ZC3H15: variants seen among roughly 807,000 people sequenced by gnomAD.
The protein encoded by ZC3H15 is zinc finger CCCH-type containing 15.
ZC3H15 carries 15 observed loss-of-function variants against 51.2 expected under a neutral mutation model. The observed-to-expected ratio is 0.29, with a 90% CI of 0.20 to 0.45. The LOEUF (loss-of-function observed/expected upper bound fraction) is 0.45. Among genes scored for constraint, ZC3H15 ranks in the 20% least tolerant of loss-of-function variants. The probability of loss-of-function intolerance (pLI) is 1.00; values close to 1 mark genes in which losing one functional copy is unlikely to be tolerated. For synonymous variants in ZC3H15, 144 were observed against 162.8 expected, an observed-to-expected ratio of 0.88 and a Z score of 0.88; for missense variants, 381 against 494.7, an observed-to-expected ratio of 0.77 and a Z score of 2.18.
At chr2:186,503,923 C>G (rs1171943042) in intron 5 of ZC3H15, 109 bp from the exon 6 acceptor site, 1 of 830,436 alleles carries the variant, frequency 1.2e-6, no homozygotes, top group Admixed American at 3.0e-5. Context: ...ATAGAATGTA[C>G]TTGTGTAATA....
intron 1 of ZC3H15, among the ~76,000 whole-genome samples, chr2:186,492,234 G>C (rs945548692): frequency 6.6e-6 from 1 of 152,052 alleles, no homozygotes; most frequent in South Asian, 2.1e-4. Context: ...TCTCCCTCCC[G>C]TGAGAGCTCA....
intron 1 of ZC3H15, among the ~76,000 whole-genome samples, chr2:186,492,584 G>T (rs991230119): frequency 1.3e-5 from 2 of 152,202 alleles, no homozygotes; most frequent in African/African-American, 4.8e-5. Flanking sequence ...ATTTCCCAAT[G>T]AGAGATAACC....
Position 186,486,341 on chromosome 2 carries a change from T to G in ZC3H15, c.-42T>G. 1 of 1,517,582 alleles carries G rather than the reference T, an allele frequency of 6.6e-7. No individual in the cohort carries two copies. Among genetic ancestry groups the G allele is most frequent in the South Asian group, 1.3e-5 (1 of 79,714 alleles). The allele number at this position is 1,517,582 out of a possible 1,614,324, so 94.0% of individuals were successfully genotyped here. Reference sequence around the variant, plus strand: ...CGCAGGGCCAGAACCCCTGACGGTATTCAGCTGCGCGTAAGTCTGGCCGGT... The same window carrying G: ...CGCAGGGCCAGAACCCCTGACGGTAGTCAGCTGCGCGTAAGTCTGGCCGGT... On this transcript the variant is annotated 5_prime_UTR_variant, in exon 1 of 10. Transcript: ENST00000337859.
Position 186,492,439 on chromosome 2 carries a change from A to G in ZC3H15, c.76-2794A>G, listed in dbSNP as rs568656952. 2.8e-4 allele frequency among the ~76,000 whole-genome samples: 42 copies of G among 152,328 alleles called. 1 individual carries two copies. Among genetic ancestry groups the G allele is most frequent in the African/African-American group, 9.6e-4 (40 of 41,584 alleles). On this transcript the variant is annotated intron_variant, in intron 1 of 9. Coordinates refer to ENST00000337859, the MANE Select transcript of ZC3H15 (RefSeq NM_018471.3). ...TTGTTTGTGCTTCTTACCTTTTTTC[A>G]TACACATAGGCTGTAGAAAATTCAT...
At chr2:186,494,007 C>A (rs1006684161) in intron 1 of ZC3H15, among the ~76,000 whole-genome samples, 3 of 151,182 alleles carry the variant, frequency 2.0e-5, no homozygotes. Context: ...CTGCTCCCCT[C>A]CACACACACG....
At chr2:186,499,020 C>T (rs1472112009) in intron 2 of ZC3H15, among the ~76,000 whole-genome samples, 2 of 152,206 alleles carry the variant, frequency 1.3e-5, no homozygotes, top group African/African-American at 4.8e-5. Context: ...ACCCTGAAAC[C>T]TGTTCCTCCT....
chr2:186,501,447 T>C, intron 4 of ZC3H15, 22 bp downstream of exon 4: 1 of 1,594,900 alleles, frequency 6.3e-7, no homozygotes, highest in Non-Finnish European at 8.5e-7. Flanking sequence ...AAAAACACTC[T>C]CTTAAAAATA....
Position 186,500,285 on chromosome 2 carries a change from T to C in ZC3H15, c.281T>C (p.Ile94Thr), listed in dbSNP as rs1685359187. ...AAACCTGTAGTTGCTGCTCAAAAAA[T>C]AAGTAAAGGTAAACTTAAAATTTCA... Reference protein sequence around the residue: ...LFKPVVAAQKISKGADPKSVV... With the variant: ...LFKPVVAAQKTSKGADPKSVV... Residue 94 changes from isoleucine (I) to threonine (T), a missense_variant, in exon 3 of 10, where the codon ATA becomes ACA. Physicochemically the swap from Ile to Thr is moderately conservative, Grantham distance 89 (BLOSUM62 -1). Coordinates refer to ENST00000337859, the MANE Select transcript of ZC3H15 (RefSeq NM_018471.3). 6.2e-7 allele frequency: 1 copy of C among 1,601,480 alleles called. No individual in the cohort carries two copies. Among genetic ancestry groups the C allele is most frequent in the Non-Finnish European group, 8.5e-7 (1 of 1,176,292 alleles).
intron 8 of ZC3H15, chr2:186,506,084 G>A (rs1685462695): frequency 1.7e-6 from 1 of 578,536 alleles, no homozygotes; most frequent in South Asian, 1.8e-5. Flanking sequence ...ATACAGCTTA[G>A]GACAGTGCCT....
At chr2:186,496,200 T>G (rs546749283) in intron 2 of ZC3H15, among the ~76,000 whole-genome samples, 1 of 152,326 alleles carries the variant, frequency 6.6e-6, no homozygotes, top group South Asian at 2.1e-4. Context: ...ATTATTTTAT[T>G]TTTATAGTCT....
rs746166784 is a variant in ZC3H15, at chr2:186,505,783, A to G, written c.908A>G (p.Asn303Ser). 7 of 1,613,800 alleles carry G rather than the reference A, an allele frequency of 4.3e-6. No individual in the cohort carries two copies. The highest frequency in any genetic ancestry group is 2.2e-5 in the East Asian group (1 of 44,886). Reference sequence around the variant, plus strand: ...TTTGAATTTCGTCCTGAACTGGTCAATGATGATGATGAGGAAGCAGATGAT... The same window carrying G: ...TTTGAATTTCGTCCTGAACTGGTCAGTGATGATGATGAGGAAGCAGATGAT... ...EVFEFRPELV[N>S]DDDEEADDTR... Residue 303 changes from asparagine to serine, a missense_variant, in exon 8 of 10, where the codon AAT becomes AGT. By Grantham distance (46) the Asn-to-Ser change is conservative (BLOSUM62 1). Coordinates refer to ENST00000337859, the MANE Select transcript of ZC3H15 (RefSeq NM_018471.3).
chr2:186,494,023 T>C (rs1685239867), intron 1 of ZC3H15, among the ~76,000 whole-genome samples: 1 of 151,420 alleles, frequency 6.6e-6, no homozygotes, highest in Non-Finnish European at 1.5e-5. Context: ...ACACGCTTGC[T>C]CATACTTGTG....
At chr2:186,487,705 C>T (rs1685123823) in intron 1 of ZC3H15, among the ~76,000 whole-genome samples, 1 of 152,168 alleles carries the variant, frequency 6.6e-6, no homozygotes, top group African/African-American at 2.4e-5. Flanking sequence ...GGTTGCTGAT[C>T]GGATGGCATT....
intron 1 of ZC3H15, among the ~76,000 whole-genome samples, chr2:186,489,309 CTA>C (rs1475290751): frequency 1.3e-5 from 2 of 152,122 alleles, no homozygotes; most frequent in Non-Finnish European, 2.9e-5. Context: ...TTTATAGAGA[CTA>C]TTCTGTTATT....
rs1473214676 is a variant in ZC3H15, at chr2:186,504,224, A to G, written c.717+10A>G. 6.4e-6 allele frequency: 10 copies of G among 1,552,774 alleles called. No homozygotes were observed. The highest frequency in any genetic ancestry group is 8.7e-6 in the Non-Finnish European group (10 of 1,149,582). ...TCTAATTGAGAGAGAGGTAACTGGT[A>G]TCCTTTTCCTACCATAAAAACTGAA... On this transcript the variant is annotated intron_variant, in intron 6 of 9. Coordinates refer to ENST00000337859, the MANE Select transcript of ZC3H15 (RefSeq NM_018471.3).
chr2:186,500,346 A>C, intron 3 of ZC3H15, 53 bp downstream of exon 3: 1 of 1,354,972 alleles, frequency 7.4e-7, no homozygotes. Flanking sequence ...GTTTATGCTA[A>C]AAACTATTTA....
At chr2:186,491,365 C>T (rs891866099) in intron 1 of ZC3H15, among the ~76,000 whole-genome samples, 3 of 152,068 alleles carry the variant, frequency 2.0e-5, no homozygotes, top group Non-Finnish European at 4.4e-5. Flanking sequence ...ATACTAGCTC[C>T]TTTGATTCTC....
At chr2:186,503,413 G>T (rs1559011920) in intron 5 of ZC3H15, among the ~76,000 whole-genome samples, 1 of 152,100 alleles carries the variant, frequency 6.6e-6, no homozygotes. Flanking sequence ...TTTTGCTCTT[G>T]TTGCCCAAGC....
At chr2:186,492,281 G>A (rs1685213526) in intron 1 of ZC3H15, among the ~76,000 whole-genome samples, 1 of 152,124 alleles carries the variant, frequency 6.6e-6, no homozygotes. Context: ...TTTATACTTA[G>A]TTGCTGCACT....
Sources: allele counts gnomAD v4.1 joint callset (sites outside exome capture counted in the v4.1 genomes callset), GRCh38; gene constraint gnomAD v4.1.1; transcripts MANE v1.5; gene names NCBI Gene and HGNC (gene_info 2026-07-23, HGNC 2026-07-21).